Variants in LDB2 observed in about 807,000 individuals in gnomAD.
The protein encoded by LDB2 is LIM domain-binding protein 2.
A neutral mutation model predicts 44.3 loss-of-function variants in LDB2; 12 were observed. That is an observed-to-expected ratio of 0.27 (90% confidence interval 0.17 to 0.44). The LOEUF (loss-of-function observed/expected upper bound fraction) is 0.44. Among genes scored for constraint, LDB2 ranks in the 20% least tolerant of loss-of-function variants. LDB2 has a pLI of 1.00. For synonymous variants in LDB2, 164 were observed against 174.8 expected, an observed-to-expected ratio of 0.94 and a Z score of 0.49; for missense variants, 344 against 473.5, an observed-to-expected ratio of 0.73 and a Z score of 2.54.
At chr4:16,813,902 G>C (rs565178050) in intron 1 of LDB2, among the ~76,000 whole-genome samples, 4 of 149,544 alleles carry the variant, frequency 2.7e-5, no homozygotes, top group Non-Finnish European at 5.9e-5. Context: ...AGAGGAGTCT[G>C]GCTCTGTCGC....
At chr4:16,732,468 C>T (rs983854924) in intron 2 of LDB2, among the ~76,000 whole-genome samples, 3 of 152,172 alleles carry the variant, frequency 2.0e-5, no homozygotes, top group African/African-American at 7.2e-5. Flanking sequence ...TGATTATTAA[C>T]TTATATCGAA....
chr4:16,739,612 ATATATACATGTG>A (rs1762616595), intron 2 of LDB2, among the ~76,000 whole-genome samples: 6 of 79,518 alleles, frequency 7.5e-5, no homozygotes, highest in African/African-American at 3.1e-4. Context: ...ATATATATGT[ATATATACATGTG>A]TGTGTATATA....
intron 1 of LDB2, among the ~76,000 whole-genome samples, chr4:16,777,335 C>A: frequency 6.6e-6 from 1 of 152,094 alleles, no homozygotes; most frequent in Middle Eastern, 3.4e-3. Context: ...ACATTTCAAC[C>A]GAGAGCCGAG....
chr4:16,666,390 C>T (rs553024305), intron 2 of LDB2, among the ~76,000 whole-genome samples: 113 of 152,302 alleles, frequency 7.4e-4, no homozygotes, highest in Non-Finnish European at 1.4e-3. Context: ...AAGGGAGCCT[C>T]GTGAGCCTGC....
At chr4:16,676,326 A>G (rs1746323514) in intron 2 of LDB2, among the ~76,000 whole-genome samples, 1 of 152,252 alleles carries the variant, frequency 6.6e-6, no homozygotes, top group Admixed American at 6.5e-5. Flanking sequence ...ACAGCAAAGT[A>G]TTCTGTCTCT....
chr4:16,864,632 T>C (rs533888456), intron 1 of LDB2, among the ~76,000 whole-genome samples: 47 of 152,170 alleles, frequency 3.1e-4, no homozygotes, highest in Non-Finnish European at 5.9e-4. Flanking sequence ...TCTTAAGAAA[T>C]AGCCCATACC....
At chr4:16,577,647 A>G (rs1404865256) in intron 5 of LDB2, among the ~76,000 whole-genome samples, 4 of 152,194 alleles carry the variant, frequency 2.6e-5, no homozygotes, top group Non-Finnish European at 5.9e-5. Flanking sequence ...CATACTACCC[A>G]AAGCAATCTA....
At chr4:16,779,188 GCCA>G (rs1482977766) in intron 1 of LDB2, among the ~76,000 whole-genome samples, 1 of 151,698 alleles carries the variant, frequency 6.6e-6, no homozygotes, top group Non-Finnish European at 1.5e-5. Flanking sequence ...TTGAACTTGT[GCCA>G]CCACCACTGG....
chr4:16,526,242 T>C lies in LDB2; in HGVS notation c.616-14138A>G, dbSNP rs189987556. ...AAGGCAGAGAAAGGTGAATTCTCTC[T>C]CGCTTTTCTGGAGCTGGGACACCCT... On this transcript the variant is annotated intron_variant, in intron 5 of 7. Transcript: ENST00000304523. 5.3e-5 allele frequency among the ~76,000 whole-genome samples: 8 copies of C among 152,314 alleles called. No homozygotes were observed. In the East Asian group the frequency reaches 1.5e-3, roughly 29 times the overall value.
chr4:16,726,364 G>A (rs1348781782), intron 2 of LDB2: 1 of 152,112 alleles, frequency 6.6e-6, no homozygotes, highest in Non-Finnish European at 1.5e-5. Flanking sequence ...ATCCAAACTT[G>A]TAGAATTACA....
chr4:16,528,047 T>C lies in LDB2; in HGVS notation c.616-15943A>G, dbSNP rs146838366. On this transcript the variant is annotated intron_variant, in intron 5 of 7. Coordinates refer to ENST00000304523, the MANE Select transcript of LDB2 (RefSeq NM_001290.5). ...TTAGCCATAAAAAAGAATGAGTTAA[T>C]GGCATTAGCAACAACCTGGATGGGA... Among the ~76,000 whole-genome samples, 308 of 152,232 alleles carry C rather than the reference T, an allele frequency of 2.0e-3. 1 individual carries two copies. Among genetic ancestry groups the C allele is most frequent in the African/African-American group, 7.1e-3 (294 of 41,542 alleles).
At chr4:16,868,848 T>C (rs901127561) in intron 1 of LDB2, among the ~76,000 whole-genome samples, 2 of 152,200 alleles carry the variant, frequency 1.3e-5, no homozygotes, top group Admixed American at 1.3e-4. Flanking sequence ...ATGTTGGTGA[T>C]AACGATGATG....
intron 2 of LDB2, 95 bp downstream of exon 2, chr4:16,759,063 C>G: frequency 2.7e-6 from 2 of 741,742 alleles, no homozygotes; most frequent in East Asian, 5.3e-5. Context: ...GTATTATTGT[C>G]AGGCTGTCAG....
At chr4:16,837,366 A>G (rs1785060822) in intron 1 of LDB2, among the ~76,000 whole-genome samples, 2 of 152,220 alleles carry the variant, frequency 1.3e-5, no homozygotes. Context: ...AAATAAAATA[A>G]TAACTTATTA....
chr4:16,827,478 A>G (rs1580030364), intron 1 of LDB2, among the ~76,000 whole-genome samples: 1 of 152,344 alleles, frequency 6.6e-6, no homozygotes, highest in East Asian at 1.9e-4. Flanking sequence ...GAGAACAAGG[A>G]TAACTGGTTA....
intron 2 of LDB2, among the ~76,000 whole-genome samples, chr4:16,601,923 A>G (rs1354665763): frequency 6.6e-6 from 1 of 152,170 alleles, no homozygotes; most frequent in Non-Finnish European, 1.5e-5. Context: ...CAATGGAAGT[A>G]AAATATGCTT....
intron 5 of LDB2, among the ~76,000 whole-genome samples, chr4:16,521,896 A>G (rs1449931069): frequency 2.6e-5 from 4 of 152,128 alleles, no homozygotes; most frequent in Non-Finnish European, 5.9e-5. Context: ...AAATTAGACA[A>G]TATGTGCAAG....
intron 1 of LDB2, among the ~76,000 whole-genome samples, chr4:16,883,002 G>A (rs1369170902): frequency 1.3e-5 from 2 of 152,176 alleles, no homozygotes; most frequent in African/African-American, 4.8e-5. Flanking sequence ...TGCATTTCGA[G>A]CTTATTTTAT....
intron 1 of LDB2, among the ~76,000 whole-genome samples, chr4:16,810,365 A>T (rs1272749213): frequency 6.6e-6 from 1 of 152,072 alleles, no homozygotes; most frequent in African/African-American, 2.4e-5. Flanking sequence ...ACCTAATCAC[A>T]CATTATCTAT....
Sources: allele counts gnomAD v4.1 joint callset (sites outside exome capture counted in the v4.1 genomes callset), GRCh38; gene constraint gnomAD v4.1.1; transcripts MANE v1.5; gene names NCBI Gene and HGNC (gene_info 2026-07-23, HGNC 2026-07-21).